TET2: variants seen among roughly 807,000 people sequenced by gnomAD.
TET2 encodes tet methylcytosine dioxygenase 2.
Under a neutral mutation model 142.9 loss-of-function variants are expected in TET2, and 299 were observed. The ratio of observed to expected loss-of-function variants is 2.09; its 90% CI spans 1.90 to 2.30. The LOEUF (loss-of-function observed/expected upper bound fraction) is 2.30, where lower values mean the gene tolerates loss of function less well. TET2 is among the 30% of genes most tolerant of loss of function. The probability of loss-of-function intolerance (pLI) is 0.00; values close to 1 mark genes in which losing one functional copy is unlikely to be tolerated. For synonymous variants in TET2, 819 were observed against 849.0 expected (o/e 0.96, Z 0.61); for missense variants, 2,418 against 2,378.0 (o/e 1.02, Z -0.35).
chr4:105,268,290 T>C (rs1213390077), intron 8 of TET2, among the ~76,000 whole-genome samples: 1 of 152,054 alleles, frequency 6.6e-6, no homozygotes, highest in African/African-American at 2.4e-5. Context: ...AAATAAACCA[T>C]TAAAATAGCA....
intron 2 of TET2, among the ~76,000 whole-genome samples, chr4:105,208,751 G>A (rs534863814): frequency 9.2e-5 from 14 of 151,992 alleles, no homozygotes; most frequent in East Asian, 3.9e-4. Flanking sequence ...TTAATTTAGC[G>A]TGAATTCTGT....
At chr4:105,214,390 T>G (rs928271826) in intron 2 of TET2, among the ~76,000 whole-genome samples, 1 of 137,572 alleles carries the variant, frequency 7.3e-6, no homozygotes, top group African/African-American at 2.7e-5. Flanking sequence ...CACCGCAGCC[T>G]CAGCCTCCTA....
At chr4:105,231,457 T>C (rs1419445134) in intron 2 of TET2, among the ~76,000 whole-genome samples, 1 of 152,176 alleles carries the variant, frequency 6.6e-6, no homozygotes, top group Non-Finnish European at 1.5e-5. Context: ...ACTACAGTAT[T>C]TTATTCCAGT....
At position 105,234,068 on chromosome 4, in the gene TET2, G is replaced by C. The variant is rs745818592; in HGVS notation, c.126G>C (p.Glu42Asp). ...TKLQNGSPLP[E>D]RAHPEVNGDT... The stretch of plus-strand genomic sequence containing the variant: ...TCCAGAATGGAAGCCCACTGCCTGA[G>C]AGAGCTCATCCAGAAGTAAATGGAG... Residue 42 changes from glutamate to aspartate, a missense_variant, in exon 3 of 11, where the codon GAG becomes GAC. Physicochemically the swap from Glu to Asp is conservative, Grantham distance 45 (BLOSUM62 2). Transcript: ENST00000380013. 1 of 1,614,082 alleles carries C rather than the reference G, an allele frequency of 6.2e-7. No homozygotes were observed. Among genetic ancestry groups the C allele is most frequent in the South Asian group, 1.1e-5 (1 of 91,080 alleles).
chr4:105,276,604 G>T lies in TET2; in HGVS notation c.*85G>T. 7.1e-7 allele frequency: 1 copy of T among 1,403,760 alleles called. No individual in the cohort carries two copies. Among genetic ancestry groups the T allele is most frequent in the Non-Finnish European group, 9.5e-7 (1 of 1,051,904 alleles). 87.0% of individuals were successfully genotyped at this position (1,403,760 alleles called of 1,614,324 possible). On this transcript the variant is annotated 3_prime_UTR_variant, in exon 11 of 11. Transcript: ENST00000380013. The stretch of plus-strand genomic sequence containing the variant: ...ATAGTTCTCATGACGTGGGCAGTGG[G>T]GAAAGGTCACAGTATTCATGACAAA...
intron 4 of TET2, 63 bp downstream of exon 4, chr4:105,241,492 C>A (rs2110249663): frequency 6.6e-7 from 1 of 1,507,304 alleles, no homozygotes; most frequent in Non-Finnish European, 8.8e-7. Context: ...CAGAATTTTT[C>A]CAGCCTTCAC....
intron 2 of TET2, among the ~76,000 whole-genome samples, chr4:105,197,386 T>C (rs1299561776): frequency 6.6e-6 from 1 of 152,218 alleles, no homozygotes; most frequent in African/African-American, 2.4e-5. Flanking sequence ...TTTTGAAAAT[T>C]ATGAGAAGTT....
chr4:105,275,196 T>C lies in TET2; in HGVS notation c.4686T>C (p.Ala1562=). The part of the protein sequence containing the change: ...PQTESVNSYS[A]SGSTNPYMRR... ...CAGAGTCTGTCAACTCTTATTCTGC[T>C]TCTGGATCCACCAATCCATACATGA... The change falls in exon 11 of 11, where the codon GCT becomes GCC. Residue 1562 remains alanine (A), a synonymous_variant. Coordinates refer to ENST00000380013, the MANE Select transcript of TET2 (RefSeq NM_001127208.3). 2 of 1,552,316 alleles carry C rather than the reference T, an allele frequency of 1.3e-6. No homozygotes were observed. The highest frequency in any genetic ancestry group is 1.7e-6 in the Non-Finnish European group (2 of 1,147,132).
chr4:105,192,850 G>A (rs1018105634), intron 2 of TET2, among the ~76,000 whole-genome samples: 5 of 152,058 alleles, frequency 3.3e-5, no homozygotes, highest in African/African-American at 1.2e-4. Flanking sequence ...AGTAATTGAA[G>A]ATATAGTAGT....
At chr4:105,185,696 G>T (rs986141813) in intron 1 of TET2, among the ~76,000 whole-genome samples, 3 of 152,082 alleles carry the variant, frequency 2.0e-5, no homozygotes, top group South Asian at 2.1e-4. Flanking sequence ...GGAGAATGGC[G>T]TGAACCGGGG....
At chr4:105,198,764 G>T (rs1726253025) in intron 2 of TET2, among the ~76,000 whole-genome samples, 1 of 152,106 alleles carries the variant, frequency 6.6e-6, no homozygotes, top group Non-Finnish European at 1.5e-5. Context: ...GCACCTAATT[G>T]GATACTTGTG....
intron 6 of TET2, among the ~76,000 whole-genome samples, chr4:105,248,024 T>G (rs1729671266): frequency 6.6e-6 from 1 of 152,274 alleles, no homozygotes; most frequent in African/African-American, 2.4e-5. Context: ...GCCCAGCTGA[T>G]TTTTAAGTAA....
At chr4:105,192,828 G>T (rs1196230216) in intron 2 of TET2, among the ~76,000 whole-genome samples, 1 of 152,116 alleles carries the variant, frequency 6.6e-6, no homozygotes, top group Admixed American at 6.6e-5. Context: ...AAATTGAGTG[G>T]CAGGGTTAGG....
At chr4:105,259,529 A>G (rs1014877234) in intron 6 of TET2, 90 bp from the exon 7 acceptor site, 16 of 1,284,102 alleles carry the variant, frequency 1.2e-5, no homozygotes, top group Non-Finnish European at 1.7e-5. Context: ...TTCTTTTCAA[A>G]CTCATTTTGC....
chr4:105,226,699 C>T (rs1401342754), intron 2 of TET2, among the ~76,000 whole-genome samples: 1 of 152,020 alleles, frequency 6.6e-6, no homozygotes, highest in Non-Finnish European at 1.5e-5. Context: ...TGCCTGCTCC[C>T]CTTTTGCTTT....
chr4:105,250,274 A>G (rs1729796756), intron 6 of TET2, among the ~76,000 whole-genome samples: 2 of 151,738 alleles, frequency 1.3e-5, no homozygotes, highest in Admixed American at 1.3e-4. Flanking sequence ...TTTGTAGTAA[A>G]TTTTGAAATC....
chr4:105,248,604 A>G (rs1031523442), intron 6 of TET2, among the ~76,000 whole-genome samples: 2 of 152,232 alleles, frequency 1.3e-5, no homozygotes, highest in Non-Finnish European at 2.9e-5. Context: ...TAGCCACTTT[A>G]TTAGAAAATC....
intron 3 of TET2, chr4:105,237,845 A>G: frequency 1.8e-6 from 2 of 1,087,402 alleles, no homozygotes; most frequent in South Asian, 7.1e-5. Flanking sequence ...AGTTGGGGGA[A>G]ATGATAATGC....
chr4:105,193,928 TATA>T (rs1725930039), intron 2 of TET2, among the ~76,000 whole-genome samples: 1 of 152,180 alleles, frequency 6.6e-6, no homozygotes, highest in African/African-American at 2.4e-5. Flanking sequence ...TTTGTATTTT[TATA>T]ATAAGTTGGA....
Sources: gnomAD v4.1 joint callset for allele counts (sites outside exome capture counted in the v4.1 genomes callset) on GRCh38, gnomAD v4.1.1 for gene constraint, MANE v1.5 for transcripts, NCBI Gene and HGNC (gene_info 2026-07-23, HGNC 2026-07-21) for gene names.